Variants in CATSPERE observed in about 807,000 individuals in gnomAD.
The protein encoded by CATSPERE is cation channel sperm-associated auxiliary subunit epsilon.
Under a neutral mutation model 114.1 loss-of-function variants are expected in CATSPERE, and 93 were observed. The observed-to-expected ratio is 0.81, with a 90% confidence interval of 0.69 to 0.97. CATSPERE has a LOEUF of 0.97. Ranked by LOEUF, CATSPERE falls within the 50% of genes least tolerant of loss-of-function variation. The probability of loss-of-function intolerance (pLI) is 0.00; values close to 1 mark genes in which losing one functional copy is unlikely to be tolerated. For synonymous variants in CATSPERE, 341 were observed against 384.1 expected (o/e 0.89, Z 1.31); for missense variants, 1,058 against 1,131.6 (o/e 0.93, Z 0.93).
chr1:244,490,769 T>G (rs969291897), intron 6 of CATSPERE, among the ~76,000 whole-genome samples: 11 of 152,120 alleles, frequency 7.2e-5, no homozygotes, highest in African/African-American at 2.7e-4. Flanking sequence ...AATACAAATA[T>G]TAAAGATAGT....
chr1:244,588,677 T>C lies in CATSPERE; in HGVS notation c.2138+143T>C, dbSNP rs527736412. On this transcript the variant is annotated intron_variant, in intron 14 of 21. Coordinates refer to ENST00000366534, the MANE Select transcript of CATSPERE (RefSeq NM_001130957.2). ...AACTGAATTGACGTTCATGCCTAGA[T>C]TCAATTGGTTTAAACTTTTGCCAAG... 6.2e-5 allele frequency: 41 copies of C among 666,498 alleles called. No individual in the cohort carries two copies. The African/African-American group carries it at 6.6e-4, about 11-fold the overall frequency. The allele number at this position is 666,498 out of a possible 1,614,324, so 41.3% of individuals were successfully genotyped here. A position where few individuals can be genotyped will look rare whatever the true frequency, so the allele number is the denominator to read the frequency against.
intron 2 of CATSPERE, among the ~76,000 whole-genome samples, chr1:244,475,648 T>A (rs1669211351): frequency 6.6e-6 from 1 of 151,370 alleles, no homozygotes; most frequent in South Asian, 2.1e-4. Context: ...GCGATTCTCC[T>A]GCCTCAGCCT....
intron 20 of CATSPERE, among the ~76,000 whole-genome samples, chr1:244,629,828 C>T (rs147699977): frequency 2.2e-3 from 336 of 151,636 alleles, no homozygotes; most frequent in Non-Finnish European, 3.6e-3. Context: ...TTAGTAGAGA[C>T]GGGATTTTGC....
rs59466928 is a variant in CATSPERE, at chr1:244,566,652, C to CTTT, written c.1507+5540_1507+5542dup. Among the ~76,000 whole-genome samples, 68 of 48,908 alleles carry CTTT rather than the reference C, an allele frequency of 1.4e-3. 3 individuals are homozygous for CTTT. Among genetic ancestry groups the CTTT allele is most frequent in the Non-Finnish European group, 2.0e-3 (28 of 14,214 alleles). The allele number at this position is 48,908 out of a possible 152,430, so 32.1% of individuals were successfully genotyped here. ...TCAGAGACTAGGATTGCAACCCCTGCTTTTTTTTTTTTTTTTTTTTTTTTT... is the reference window on the plus strand; with the variant it reads ...TCAGAGACTAGGATTGCAACCCCTGCTTTTTTTTTTTTTTTTTTTTTTTTTTTT... On this transcript the variant is annotated intron_variant, in intron 10 of 21. Coordinates refer to ENST00000366534, the MANE Select transcript of CATSPERE (RefSeq NM_001130957.2).
chr1:244,547,824 A>G (rs1271744527), intron 8 of CATSPERE, among the ~76,000 whole-genome samples: 1 of 152,232 alleles, frequency 6.6e-6, no homozygotes, highest in Non-Finnish European at 1.5e-5. Context: ...ATTACATTGA[A>G]TGTAAGTGGA....
intron 14 of CATSPERE, among the ~76,000 whole-genome samples, chr1:244,590,915 T>G (rs1384588555): frequency 6.6e-6 from 1 of 152,172 alleles, no homozygotes; most frequent in Admixed American, 6.5e-5. Flanking sequence ...TACAAGTGTT[T>G]GTTTGAACAC....
intron 8 of CATSPERE, among the ~76,000 whole-genome samples, chr1:244,532,184 C>G (rs1487744285): frequency 6.6e-6 from 1 of 151,954 alleles, no homozygotes; most frequent in Non-Finnish European, 1.5e-5. Context: ...TTTTCATCCC[C>G]AATTTTATTT....
At chr1:244,475,530 G>C (rs1329488776) in intron 2 of CATSPERE, among the ~76,000 whole-genome samples, 1 of 145,930 alleles carries the variant, frequency 6.9e-6, no homozygotes, top group Admixed American at 7.0e-5. Context: ...CACTGCACCT[G>C]GCCACAATTT....
intron 3 of CATSPERE, 63 bp downstream of exon 3, chr1:244,477,677 A>G: frequency 8.8e-7 from 1 of 1,134,330 alleles, no homozygotes; most frequent in South Asian, 1.4e-5. Context: ...ATATAATGTG[A>G]ACATTGAGAT....
Position 244,610,131 on chromosome 1 carries a change from T to C in CATSPERE, c.2404-109T>C, listed in dbSNP as rs935685586. The C allele has an allele frequency of 1.3e-5, 9 of 679,404 alleles. No individual in the cohort carries two copies. In the African/African-American group the frequency reaches 1.6e-4, roughly 12 times the overall value. 42.1% of individuals were successfully genotyped at this position (679,404 alleles called of 1,614,324 possible). A position where few individuals can be genotyped will look rare whatever the true frequency, so the allele number is the denominator to read the frequency against. ...TATACCAGCCAACATTTAAATAATG[T>C]AAGTTTTAAAAATACAAAATTTTCA... On this transcript the variant is annotated intron_variant, in intron 18 of 21. Transcript: ENST00000366534.
chr1:244,477,644 T>C (rs1328823523), intron 3 of CATSPERE, 30 bp downstream of exon 3: 3 of 1,340,836 alleles, frequency 2.2e-6, no homozygotes, highest in Non-Finnish European at 3.2e-6. Flanking sequence ...TATCAATGTA[T>C]GTGTATATTT....
chr1:244,615,311 A>G (rs542683230), intron 19 of CATSPERE, among the ~76,000 whole-genome samples: 1 of 152,206 alleles, frequency 6.6e-6, no homozygotes, highest in African/African-American at 2.4e-5. Flanking sequence ...GAATTCTTTA[A>G]TTAAAGTTAT....
rs901413214 is a variant in CATSPERE, at chr1:244,568,522, C to G, written c.1508-3808C>G. On this transcript the variant is annotated intron_variant, in intron 10 of 21. Transcript: ENST00000366534. This position sits in a 1 kb window ranked among gnomAD's most constrained non-coding sequence, Gnocchi z 4.4. Reference sequence around the variant, plus strand: ...GCCCCTGAGTGGGGCTGCTGCCTTTCTTTCAGAGATGCGCTGCCCAGAGAG... The same window carrying G: ...GCCCCTGAGTGGGGCTGCTGCCTTTGTTTCAGAGATGCGCTGCCCAGAGAG... Among the ~76,000 whole-genome samples the G allele has an allele frequency of 1.3e-5, 2 of 152,244 alleles. No homozygotes were observed. The highest frequency in any genetic ancestry group is 4.8e-5 in the African/African-American group (2 of 41,470).
chr1:244,617,861 T>G (rs1206079483), intron 20 of CATSPERE, among the ~76,000 whole-genome samples, 175 bp downstream of exon 20: 1 of 152,218 alleles, frequency 6.6e-6, no homozygotes, highest in East Asian at 1.9e-4. Flanking sequence ...TTTTATGTTG[T>G]GTTAATTAAA....
In CATSPERE at chr1:244,470,922, C is replaced by T. The variant is rs140211741; in HGVS notation, c.115-6619C>T. Among the ~76,000 whole-genome samples, 3 of 152,274 alleles carry T rather than the reference C, an allele frequency of 2.0e-5. No individual in the cohort carries two copies. In the East Asian group the frequency reaches 5.8e-4, roughly 29 times the overall value. On this transcript the variant is annotated intron_variant, in intron 2 of 21. Transcript: ENST00000366534. Reference sequence around the variant, plus strand: ...GCAAGAAACCTTTCACAAAGGACCACATGTTGTATGATTTCATTCACATGA... The same window carrying T: ...GCAAGAAACCTTTCACAAAGGACCATATGTTGTATGATTTCATTCACATGA...
rs1267215747 is a variant in CATSPERE at position 244,633,632 on chromosome 1, A to G, written c.2649-1857A>G. ...TGCAGGCATGAGCACACGCATGCAC[A>G]CACACACACACGCACACAAAACCCC... On this transcript the variant is annotated intron_variant, in intron 20 of 21. Transcript: ENST00000366534. The surrounding 1 kb of genome is among the most constrained non-coding windows in gnomAD (Gnocchi z 4.1). Among the ~76,000 whole-genome samples, 4 of 152,248 alleles carry G rather than the reference A, an allele frequency of 2.6e-5. No homozygotes were observed. The highest frequency in any genetic ancestry group is 2.6e-4 in the Admixed American group (4 of 15,296).
In CATSPERE at chr1:244,568,384, C is replaced by A. The variant is rs1663920111; in HGVS notation, c.1508-3946C>A. Reference sequence around the variant, plus strand: ...AGCTTGAGGGCTGTGCTCGGAGACCCACTGCTTCTTCAGAGCTGGCTCACA... The same window carrying A: ...AGCTTGAGGGCTGTGCTCGGAGACCAACTGCTTCTTCAGAGCTGGCTCACA... On this transcript the variant is annotated intron_variant, in intron 10 of 21. Transcript: ENST00000366534. This position sits in a 1 kb window ranked among gnomAD's most constrained non-coding sequence, Gnocchi z 4.4. Among the ~76,000 whole-genome samples the A allele has an allele frequency of 6.6e-6, 1 of 152,186 alleles. No individual in the cohort carries two copies. The highest frequency in any genetic ancestry group is 1.5e-5 in the Non-Finnish European group (1 of 68,030).
At position 244,517,147 on chromosome 1, in the gene CATSPERE, A is replaced by T. The variant is rs535879828; in HGVS notation, c.430-1445A>T. On this transcript the variant is annotated intron_variant, in intron 7 of 21. Transcript: ENST00000366534. ...GGTTTTTGCCTTTTTGATAATTTCT[A>T]TGTGTTAGTTTTTTCCATATTTATA... is the stretch of plus-strand genomic sequence containing the variant. Among the ~76,000 whole-genome samples, 6 of 152,090 alleles carry T rather than the reference A, an allele frequency of 3.9e-5. No individual in the cohort carries two copies. In the South Asian group the frequency reaches 6.2e-4, roughly 16 times the overall value.
chr1:244,490,123 T>A (rs1199835905), intron 5 of CATSPERE, among the ~76,000 whole-genome samples: 2 of 152,146 alleles, frequency 1.3e-5, no homozygotes. Flanking sequence ...TAAAATCATA[T>A]GAGGACTTTG....
Sources: gnomAD v4.1 joint callset for allele counts (sites outside exome capture counted in the v4.1 genomes callset) on GRCh38, gnomAD v4.1.1 for gene constraint, Gnocchi (gnomAD v3.1) non-coding constraint, MANE v1.5 for transcripts, NCBI Gene and HGNC (gene_info 2026-07-23, HGNC 2026-07-21) for gene names.